The following FGF14 variants were observed in gnomAD, a reference collection of about 807,000 sequenced individuals.
FGF14 encodes the protein fibroblast growth factor homologous factor 4.
A neutral mutation model predicts 25.5 loss-of-function variants in FGF14; 5 were observed. The observed-to-expected ratio is 0.20, with a 90% CI of 0.10 to 0.41. The LOEUF (loss-of-function observed/expected upper bound fraction) is 0.41, where lower values mean the gene tolerates loss of function less well. Ranked by LOEUF, FGF14 falls within the 10% of genes least tolerant of loss-of-function variation. The probability of loss-of-function intolerance (pLI) is 1.00; values close to 1 mark genes in which losing one functional copy is unlikely to be tolerated. For missense variants in FGF14, 222 were observed against 320.1 expected, an observed-to-expected ratio of 0.69 and a Z score of 2.34; for synonymous variants, 138 against 118.3, an observed-to-expected ratio of 1.17 and a Z score of -1.08.
chr13:101,815,741 T>C lies in FGF14; in HGVS notation c.408+52984A>G, dbSNP rs538837163. On this transcript the variant is annotated intron_variant, in intron 3 of 4. Transcript: ENST00000376143. Reference sequence around the variant, plus strand: ...ATTGAGATAATACCCCCCCACCCCATGTAGATTTCTCCTAAGCACTTTATC... The same window carrying C: ...ATTGAGATAATACCCCCCCACCCCACGTAGATTTCTCCTAAGCACTTTATC... 9.9e-5 allele frequency among the ~76,000 whole-genome samples: 15 copies of C among 151,732 alleles called. No homozygotes were observed. In the South Asian group the frequency reaches 2.7e-3, roughly 27 times the overall value.
intron 1 of FGF14, among the ~76,000 whole-genome samples, chr13:101,910,164 A>G (rs2032758724): frequency 6.6e-6 from 1 of 152,162 alleles, no homozygotes; most frequent in Non-Finnish European, 1.5e-5. Flanking sequence ...TACTGGGTGC[A>G]GCACACCAAC....
intron 1 of FGF14, among the ~76,000 whole-genome samples, chr13:101,985,872 A>G (rs557264278): frequency 1.3e-5 from 2 of 152,164 alleles, no homozygotes; most frequent in African/African-American, 4.8e-5. Context: ...AAAGTTCTCA[A>G]AATAGCTTCT....
At chr13:102,239,433 G>A (rs3904751) in intron 1 of FGF14, among the ~76,000 whole-genome samples, 93,166 of 151,936 alleles carry the variant, frequency 0.61, 28,915 homozygotes, top group Middle Eastern at 0.72. Flanking sequence ...TCTGGGTTGG[G>A]CATTCCTAGC....
At chr13:102,076,992 CA>C (rs2043395177) in intron 1 of FGF14, among the ~76,000 whole-genome samples, 1 of 152,072 alleles carries the variant, frequency 6.6e-6, no homozygotes, top group Admixed American at 6.6e-5. Flanking sequence ...TATTTATAGT[CA>C]ATTGAGGACA....
chr13:101,972,037 C>T (rs368386701), intron 1 of FGF14, among the ~76,000 whole-genome samples: 1 of 152,230 alleles, frequency 6.6e-6, no homozygotes, highest in East Asian at 1.9e-4. Context: ...TAAACATATA[C>T]TGGGAATACA....
Position 102,377,505 on chromosome 13 carries a change from T to C in FGF14, c.208+23966A>G, listed in dbSNP as rs2058068687. Among the ~76,000 whole-genome samples the C allele has an allele frequency of 3.9e-5, 6 of 152,274 alleles. No individual in the cohort carries two copies. The South Asian group carries it at 1.2e-3, about 32-fold the overall frequency. On this transcript the variant is annotated intron_variant, in intron 1 of 4. Transcript: ENST00000376131. Reference sequence around the variant, plus strand: ...GTACATACAAGAAAAGCAGGTATCTTAATATTCTAGCACAGATAAAGGGCC... The same window carrying C: ...GTACATACAAGAAAAGCAGGTATCTCAATATTCTAGCACAGATAAAGGGCC...
chr13:102,349,447 T>C (rs2057209432), intron 1 of FGF14, among the ~76,000 whole-genome samples: 1 of 152,250 alleles, frequency 6.6e-6, no homozygotes, highest in South Asian at 2.1e-4. Flanking sequence ...ATATTCATTC[T>C]ATTGCTTACA....
At chr13:101,889,603 C>G (rs934389159) in intron 1 of FGF14, among the ~76,000 whole-genome samples, 1 of 152,114 alleles carries the variant, frequency 6.6e-6, no homozygotes, top group African/African-American at 2.4e-5. Context: ...AGACTGCAAA[C>G]CACTCATCAA....
rs2034806359 is a variant in FGF14, at chr13:101,718,460, A to G, written c.*4371T>C. On this transcript the variant is annotated 3_prime_UTR_variant, in exon 5 of 5. Coordinates refer to ENST00000376143, the MANE Select transcript of FGF14 (RefSeq NM_004115.4). ...GGGTGAGAGAAAATAAGCAAATCTC[A>G]TTGGCTCATTCCTGTTTTTAGGAAG... The G allele has an allele frequency of 6.6e-6, 1 of 152,046 alleles. No individual in the cohort carries two copies. Among genetic ancestry groups the G allele is most frequent in the African/African-American group, 2.4e-5 (1 of 41,448 alleles). 9.4% of individuals were successfully genotyped at this position (152,046 alleles called of 1,614,324 possible).
Position 101,716,429 on chromosome 13 carries a change from T to G in FGF14, c.*6402A>C, listed in dbSNP as rs2034723976. 1.3e-5 allele frequency: 2 copies of G among 152,186 alleles called. No homozygotes were observed. The highest frequency in any genetic ancestry group is 4.8e-5 in the African/African-American group (2 of 41,450). 9.4% of individuals were successfully genotyped at this position (152,186 alleles called of 1,614,324 possible). A position where few individuals can be genotyped will look rare whatever the true frequency, so the allele number is the denominator to read the frequency against. ...ACAATTTAACATTTTAAATAAATAG[T>G]GACAGAAGTTGTTTATACTCTGTGT... is the stretch of plus-strand genomic sequence containing the variant. On this transcript the variant is annotated 3_prime_UTR_variant, in exon 5 of 5. Transcript: ENST00000376143.
intron 3 of FGF14, among the ~76,000 whole-genome samples, chr13:101,833,043 C>A (rs1206956523): frequency 6.6e-6 from 1 of 151,932 alleles, no homozygotes; most frequent in Non-Finnish European, 1.5e-5. Context: ...AGTAGTTCAC[C>A]GCCCTGGAAT....
At chr13:102,060,185 C>T (rs1247141131) in intron 1 of FGF14, among the ~76,000 whole-genome samples, 2 of 151,636 alleles carry the variant, frequency 1.3e-5, no homozygotes, top group Non-Finnish European at 2.9e-5. Context: ...AAATCCTAAA[C>T]ATTTCTGGTC....
At chr13:101,742,963 T>G (rs1357595732) in intron 3 of FGF14, among the ~76,000 whole-genome samples, 1 of 152,204 alleles carries the variant, frequency 6.6e-6, no homozygotes, top group African/African-American at 2.4e-5. Context: ...AAATTGTGCA[T>G]TCACTGAAAG....
intron 1 of FGF14, among the ~76,000 whole-genome samples, chr13:102,077,792 T>C (rs2043431383): frequency 6.6e-6 from 1 of 152,184 alleles, no homozygotes; most frequent in South Asian, 2.1e-4. Context: ...TGGGTCTGTA[T>C]CCAAAGGAAA....
At chr13:102,208,838 T>C (rs1349154921) in intron 1 of FGF14, among the ~76,000 whole-genome samples, 3 of 152,184 alleles carry the variant, frequency 2.0e-5, no homozygotes, top group Non-Finnish European at 4.4e-5. Context: ...TGTCCCCCTG[T>C]TGAATATAGA....
At chr13:102,093,164 G>T (rs577077635) in intron 1 of FGF14, among the ~76,000 whole-genome samples, 1 of 152,024 alleles carries the variant, frequency 6.6e-6, no homozygotes, top group East Asian at 1.9e-4. Context: ...GCAAAAACAT[G>T]CAGAGAAACC....
intron 3 of FGF14, among the ~76,000 whole-genome samples, chr13:101,733,588 C>A: frequency 9.9e-6 from 1 of 100,736 alleles, no homozygotes. Flanking sequence ...AACAAGACTC[C>A]ATCAAAAAAA....
Position 102,333,703 on chromosome 13 carries a change from G to T in FGF14, c.208+67768C>A, listed in dbSNP as rs115300079. Among the ~76,000 whole-genome samples the T allele has an allele frequency of 2.8e-3, 434 of 152,310 alleles. 2 individuals carry two copies. Among genetic ancestry groups the T allele is most frequent in the African/African-American group, 0.01 (426 of 41,578 alleles). On this transcript the variant is annotated intron_variant, in intron 1 of 4. Transcript: ENST00000376131. ...CAGAAAGGACGTAAAGTGTCTAGGA[G>T]TGAATAAACAATGCTCACTCCAAAC...
intron 1 of FGF14, among the ~76,000 whole-genome samples, chr13:102,109,361 A>G (rs2045100003): frequency 6.6e-6 from 1 of 152,164 alleles, no homozygotes; most frequent in Admixed American, 6.5e-5. Context: ...GCATGACTGT[A>G]GTAATAACAA....
Sources: gnomAD v4.1 joint callset for allele counts (sites outside exome capture counted in the v4.1 genomes callset) on GRCh38, gnomAD v4.1.1 for gene constraint, MANE v1.5 for transcripts, NCBI Gene and HGNC (gene_info 2026-07-23, HGNC 2026-07-21) for gene names.